LRRC7: variants seen among roughly 807,000 people sequenced by gnomAD.
LRRC7 encodes the protein leucine rich repeat containing 7, also known as leucine-rich repeat-containing protein 7.
A neutral mutation model predicts 175.7 loss-of-function variants in LRRC7; 23 were observed. The observed-to-expected ratio is 0.13, with a 90% CI of 0.09 to 0.19. LRRC7 has a LOEUF of 0.19. Ranked by LOEUF, LRRC7 falls within the 10% of genes least tolerant of loss-of-function variation. The probability of loss-of-function intolerance (pLI) is 1.00; values close to 1 mark genes in which losing one functional copy is unlikely to be tolerated. For synonymous variants in LRRC7, 685 were observed against 680.9 expected (o/e 1.01, Z -0.09); for missense variants, 1,354 against 1,904.7 (o/e 0.71, Z 5.38).
At chr1:69,837,414 A>G (rs1938579) in intron 6 of LRRC7, among the ~76,000 whole-genome samples, 72,215 of 151,636 alleles carry the variant, frequency 0.48, 17,537 homozygotes, top group Middle Eastern at 0.59. Context: ...GTTCCAAACC[A>G]TATAAATCTG....
intron 1 of LRRC7, among the ~76,000 whole-genome samples, chr1:69,621,013 C>G (rs1331865785): frequency 6.6e-6 from 1 of 151,740 alleles, no homozygotes; most frequent in African/African-American, 2.4e-5. Context: ...TCTGTTCTTT[C>G]TACTTTCTTA....
intron 4 of LRRC7, among the ~76,000 whole-genome samples, chr1:69,798,737 T>G (rs983437796): frequency 2.0e-5 from 3 of 152,136 alleles, no homozygotes; most frequent in Non-Finnish European, 2.9e-5. Context: ...TCTTTAAAAT[T>G]TCAGTGAAGT....
chr1:69,885,372 C>T (rs1052683721), intron 7 of LRRC7, among the ~76,000 whole-genome samples: 3 of 146,436 alleles, frequency 2.0e-5, no homozygotes, highest in South Asian at 2.2e-4. Flanking sequence ...GGAATTTATC[C>T]ATTTCTTCTA....
At chr1:69,719,748 C>G (rs1666147394) in intron 2 of LRRC7, among the ~76,000 whole-genome samples, 2 of 151,412 alleles carry the variant, frequency 1.3e-5, no homozygotes, top group Non-Finnish European at 3.0e-5. Flanking sequence ...GTAAAAACCT[C>G]AAACAATACA....
At chr1:70,020,047 C>G (rs543632784) in intron 15 of LRRC7, among the ~76,000 whole-genome samples, 6 of 152,020 alleles carry the variant, frequency 3.9e-5, no homozygotes, top group African/African-American at 1.4e-4. Flanking sequence ...AGGAATTAGC[C>G]TAGCTGAGTT....
chr1:69,885,486 G>A (rs1687090338), intron 7 of LRRC7, among the ~76,000 whole-genome samples: 2 of 142,832 alleles, frequency 1.4e-5, no homozygotes, highest in African/African-American at 5.6e-5. Flanking sequence ...TTTTTACTGT[G>A]TCTATTTGAT....
chr1:69,627,474 G>GTTGTATATGTTTTGGTTT, intron 1 of LRRC7, among the ~76,000 whole-genome samples: 1 of 152,122 alleles, frequency 6.6e-6, no homozygotes, highest in South Asian at 2.1e-4. Flanking sequence ...CTTGATATTA[G>GTTGTATATGTTTTGGTTT]CCCTTTGTCA....
At chr1:69,663,084 A>G (rs901270478) in intron 1 of LRRC7, among the ~76,000 whole-genome samples, 2 of 152,204 alleles carry the variant, frequency 1.3e-5, no homozygotes, top group Non-Finnish European at 2.9e-5. Context: ...ATTTCCAACA[A>G]TAAGATAGAA....
intron 24 of LRRC7, among the ~76,000 whole-genome samples, chr1:70,087,695 A>G (rs1289225326): frequency 6.6e-6 from 1 of 152,190 alleles, no homozygotes; most frequent in African/African-American, 2.4e-5. Flanking sequence ...TTATAATTAA[A>G]CATCTTTAAA....
At chr1:69,599,618 G>C (rs1646973475) in intron 1 of LRRC7, among the ~76,000 whole-genome samples, 1 of 152,216 alleles carries the variant, frequency 6.6e-6, no homozygotes, top group African/African-American at 2.4e-5. Flanking sequence ...ACTAATAGAA[G>C]TTGAAGCTTG....
chr1:69,940,648 C>A lies in LRRC7; in HGVS notation c.711+9078C>A, dbSNP rs1369374183. ...CCCTGCAAAAATAAAAAAAATCAGA[C>A]TTTACAAGGAAAATAAAAGTATTCT... On this transcript the variant is annotated intron_variant, in intron 8 of 26. Coordinates refer to ENST00000651989, the MANE Select transcript of LRRC7 (RefSeq NM_001370785.2). Among the ~76,000 whole-genome samples, 5 of 151,966 alleles carry A rather than the reference C, an allele frequency of 3.3e-5. No individual in the cohort carries two copies. In the South Asian group the frequency reaches 6.2e-4, roughly 19 times the overall value.
At chr1:69,996,179 T>C (rs2101916229) in intron 11 of LRRC7, among the ~76,000 whole-genome samples, 1 of 151,412 alleles carries the variant, frequency 6.6e-6, no homozygotes, top group East Asian at 1.9e-4. Context: ...TTTTCATGTG[T>C]TTTTTGGCTG....
At chr1:69,620,199 G>A (rs769724374) in intron 1 of LRRC7, among the ~76,000 whole-genome samples, 20 of 151,960 alleles carry the variant, frequency 1.3e-4, no homozygotes, top group East Asian at 1.9e-4. Context: ...TTTAGAAACC[G>A]TAGCCACTTT....
At chr1:69,823,231 CT>C (rs1316870054) in intron 4 of LRRC7, among the ~76,000 whole-genome samples, 1 of 152,120 alleles carries the variant, frequency 6.6e-6, no homozygotes, top group East Asian at 1.9e-4. Context: ...TTCGTATTTT[CT>C]ATCTTTTGTG....
intron 26 of LRRC7, among the ~76,000 whole-genome samples, chr1:70,109,896 T>A (rs2102218970): frequency 6.6e-6 from 1 of 152,330 alleles, no homozygotes; most frequent in South Asian, 2.1e-4. Context: ...AGCCAATTAA[T>A]CTCAGATCTC....
chr1:69,915,701 C>G (rs766611410), intron 7 of LRRC7, among the ~76,000 whole-genome samples: 1 of 151,940 alleles, frequency 6.6e-6, no homozygotes, highest in South Asian at 2.1e-4. Context: ...ACTTATAAAT[C>G]CTTGGAAAAA....
At chr1:69,809,095 A>T (rs1339527805) in intron 4 of LRRC7, among the ~76,000 whole-genome samples, 4 of 152,168 alleles carry the variant, frequency 2.6e-5, no homozygotes, top group African/African-American at 9.7e-5. Flanking sequence ...AGGGGGTATC[A>T]CCACTGACCC....
At chr1:70,043,874 A>C (rs1660118853) in intron 21 of LRRC7, 80 bp from the exon 22 acceptor site, 1 of 1,476,308 alleles carries the variant, frequency 6.8e-7, no homozygotes, top group Non-Finnish European at 9.1e-7. Flanking sequence ...AAATGTTATA[A>C]ATTTAAACAT....
At chr1:70,104,868 A>G (rs1429350183) in intron 25 of LRRC7, among the ~76,000 whole-genome samples, 1 of 152,208 alleles carries the variant, frequency 6.6e-6, no homozygotes, top group Non-Finnish European at 1.5e-5. Flanking sequence ...CTGGATTCAT[A>G]CAAACATTAT....
Sources: allele counts gnomAD v4.1 joint callset (sites outside exome capture counted in the v4.1 genomes callset), GRCh38; gene constraint gnomAD v4.1.1; transcripts MANE v1.5; gene names NCBI Gene and HGNC (gene_info 2026-07-23, HGNC 2026-07-21).